MYO3B: variants seen among roughly 807,000 people sequenced by gnomAD.
MYO3B encodes myosin-IIIb.
Under a neutral mutation model 174.6 loss-of-function variants are expected in MYO3B, and 156 were observed. The observed-to-expected ratio is 0.89, with a 90% CI of 0.78 to 1.02. MYO3B has a LOEUF of 1.02. Among genes scored for constraint, MYO3B ranks in the 50% least tolerant of loss-of-function variants. The pLI, the probability that MYO3B is intolerant of heterozygous loss-of-function variation, is 0.00. For synonymous variants in MYO3B, 563 were observed against 569.1 expected (o/e 0.99, Z 0.15); for missense variants, 1,632 against 1,639.4 (o/e 1.00, Z 0.08).
At chr2:170,356,159 C>T (rs2094119020) in intron 8 of MYO3B, among the ~76,000 whole-genome samples, 1 of 151,862 alleles carries the variant, frequency 6.6e-6, no homozygotes, top group Non-Finnish European at 1.5e-5. Flanking sequence ...GACGGGGTTT[C>T]ACCGTGTTGG....
At chr2:170,629,718 C>T (rs745559377) in intron 32 of MYO3B, among the ~76,000 whole-genome samples, 6 of 152,112 alleles carry the variant, frequency 3.9e-5, no homozygotes, top group Non-Finnish European at 7.3e-5. Context: ...GGCATGGTGG[C>T]ACATGCCTAT....
rs1559201779 is a variant in MYO3B, at chr2:170,649,231, A to AATAAT, written c.3734-2393_3734-2389dup. On this transcript the variant is annotated intron_variant, in intron 32 of 34. Coordinates refer to ENST00000408978, the MANE Select transcript of MYO3B (RefSeq NM_138995.5). ...ATAATATATAATATATTATATATAA[A>AATAAT]ATAATATATATTATATATAAAATAA... 7.2e-5 allele frequency among the ~76,000 whole-genome samples: 5 copies of AATAAT among 69,338 alleles called. 2 individuals carry two copies. Among genetic ancestry groups the AATAAT allele is most frequent in the African/African-American group, 3.7e-4 (5 of 13,578 alleles). 45.5% of individuals were successfully genotyped at this position (69,338 alleles called of 152,430 possible).
rs2094242217 is a variant in MYO3B at position 170,371,217 on chromosome 2, A to AAT, written c.971+1841_971+1842insTA. On this transcript the variant is annotated intron_variant, in intron 9 of 34. Coordinates refer to ENST00000408978, the MANE Select transcript of MYO3B (RefSeq NM_138995.5). ...TGGGCGACAGAGCAAGACAGTGTCTAAAAAAAAAAAAAAAAAAAAAAAACC... is the reference window on the plus strand; with the variant it reads ...TGGGCGACAGAGCAAGACAGTGTCTAATAAAAAAAAAAAAAAAAAAAAAAACC... Among the ~76,000 whole-genome samples, 2 of 13,024 alleles carry AAT rather than the reference A, an allele frequency of 1.5e-4. 1 individual carries two copies. The highest frequency in any genetic ancestry group is 1.6e-3 in the Admixed American group (2 of 1,248). The allele number at this position is 13,024 out of a possible 152,430, so 8.5% of individuals were successfully genotyped here. A position where few individuals can be genotyped will look rare whatever the true frequency, so the allele number is the denominator to read the frequency against.
At chr2:170,650,747 G>C (rs112460853) in intron 32 of MYO3B, among the ~76,000 whole-genome samples, 1 of 131,018 alleles carries the variant, frequency 7.6e-6, no homozygotes, top group South Asian at 2.4e-4. Context: ...GCAGTGGCAC[G>C]ATCTTGGCTC....
chr2:170,427,111 T>G (rs2094669717), intron 22 of MYO3B, among the ~76,000 whole-genome samples: 1 of 152,166 alleles, frequency 6.6e-6, no homozygotes, highest in Non-Finnish European at 1.5e-5. Flanking sequence ...AGATTAATAC[T>G]AATATAAGAT....
chr2:170,497,068 G>A (rs1440007014), intron 25 of MYO3B, among the ~76,000 whole-genome samples: 3 of 152,112 alleles, frequency 2.0e-5, no homozygotes, highest in Admixed American at 6.5e-5. Context: ...AAATAGCAGA[G>A]GTAGGAAGGT....
At position 170,474,353 on chromosome 2, in the gene MYO3B, G is replaced by A. The variant is rs114598027; in HGVS notation, c.3014+7642G>A. Among the ~76,000 whole-genome samples the A allele has an allele frequency of 6.3e-3, 951 of 152,102 alleles. 5 individuals are homozygous for A. The highest frequency in any genetic ancestry group is 0.021 in the African/African-American group (891 of 41,492). On this transcript the variant is annotated intron_variant, in intron 25 of 34. Coordinates refer to ENST00000408978, the MANE Select transcript of MYO3B (RefSeq NM_138995.5). ...CCAGGGGTATGATTGGCAGGGTCTT[G>A]GGTCAACTGCCAGGGATGGAGTCAA...
chr2:170,314,128 T>C (rs2093758319), intron 7 of MYO3B, among the ~76,000 whole-genome samples: 1 of 152,106 alleles, frequency 6.6e-6, no homozygotes, highest in Admixed American at 6.5e-5. Flanking sequence ...GCGCACATCT[T>C]TTATTATGTT....
chr2:170,498,479 C>A (rs1687020441), intron 25 of MYO3B, 113 bp from the exon 26 acceptor site: 3 of 696,942 alleles, frequency 4.3e-6, no homozygotes, highest in African/African-American at 3.6e-5. Flanking sequence ...ATTATTGGTG[C>A]TCGACAAATA....
At chr2:170,313,486 G>C (rs913469648) in intron 7 of MYO3B, among the ~76,000 whole-genome samples, 1 of 152,158 alleles carries the variant, frequency 6.6e-6, no homozygotes, top group Non-Finnish European at 1.5e-5. Flanking sequence ...GGCCAGCCTT[G>C]GTCTATGTCT....
At chr2:170,208,088 C>G (rs965238542) in intron 3 of MYO3B, among the ~76,000 whole-genome samples, 2 of 152,188 alleles carry the variant, frequency 1.3e-5, no homozygotes, top group Non-Finnish European at 2.9e-5. Context: ...AAATGGGAAG[C>G]CTGGCTTAAC....
rs367944434 is a variant in MYO3B at position 170,609,455 on chromosome 2, A to G, written c.3734-42173A>G. On this transcript the variant is annotated intron_variant, in intron 32 of 34. Transcript: ENST00000408978. ...ATAACTCAGACCTCTGTTGCTAACAATCCCTATGTGCCCTTCACTGTGTGC... is the reference window on the plus strand; with the variant it reads ...ATAACTCAGACCTCTGTTGCTAACAGTCCCTATGTGCCCTTCACTGTGTGC... 2.9e-4 allele frequency among the ~76,000 whole-genome samples: 44 copies of G among 152,314 alleles called. No homozygotes were observed. In the South Asian group the frequency reaches 9.1e-3, roughly 32 times the overall value.
At chr2:170,424,198 A>G (rs2094642240) in intron 22 of MYO3B, among the ~76,000 whole-genome samples, 1 of 152,226 alleles carries the variant, frequency 6.6e-6, no homozygotes, top group African/African-American at 2.4e-5. Flanking sequence ...TGCTAAGGTA[A>G]TGCTGATCAG....
At chr2:170,182,066 T>G (rs187864964) in intron 1 of MYO3B, among the ~76,000 whole-genome samples, 2 of 152,118 alleles carry the variant, frequency 1.3e-5, no homozygotes, top group African/African-American at 2.4e-5. Context: ...TAGCTCCTGA[T>G]ACAAACCTTC....
chr2:170,203,607 TC>T (rs1437579322), intron 3 of MYO3B, among the ~76,000 whole-genome samples: 1 of 152,026 alleles, frequency 6.6e-6, no homozygotes, highest in Non-Finnish European at 1.5e-5. Flanking sequence ...GAAAGTATAA[TC>T]TAGACCTGAA....
At chr2:170,284,220 G>A (rs1474976039) in intron 7 of MYO3B, among the ~76,000 whole-genome samples, 1 of 152,130 alleles carries the variant, frequency 6.6e-6, no homozygotes, top group Non-Finnish European at 1.5e-5. Context: ...ATGTCCAAAT[G>A]AGCACCCTAT....
At chr2:170,618,906 G>C (rs977742188) in intron 32 of MYO3B, among the ~76,000 whole-genome samples, 1 of 152,136 alleles carries the variant, frequency 6.6e-6, no homozygotes, top group East Asian at 1.9e-4. Flanking sequence ...TAGTGTGTGC[G>C]TCAGTAATTT....
At position 170,420,189 on chromosome 2, in the gene MYO3B, AAAAC is replaced by A. The variant is rs748353185; in HGVS notation, c.2650+12365_2650+12368del. Among the ~76,000 whole-genome samples the A allele has an allele frequency of 1.3e-3, 198 of 152,294 alleles. 1 individual carries two copies. Among genetic ancestry groups the A allele is most frequent in the Middle Eastern group, 3.4e-3 (1 of 294 alleles). On this transcript the variant is annotated intron_variant, in intron 22 of 34. Coordinates refer to ENST00000408978, the MANE Select transcript of MYO3B (RefSeq NM_138995.5). ...GGCTACAAGAGGGAGACAGTCTCAA[AAAAC>A]AAACAAACAAACAAACAAAACAAAA...
intron 7 of MYO3B, among the ~76,000 whole-genome samples, chr2:170,263,819 C>A (rs893456512): frequency 4.0e-5 from 6 of 151,750 alleles, no homozygotes; most frequent in African/African-American, 1.5e-4. Flanking sequence ...TGCAAAGAGG[C>A]CTTCCTCTTT....
Sources: allele counts gnomAD v4.1 joint callset (sites outside exome capture counted in the v4.1 genomes callset), GRCh38; gene constraint gnomAD v4.1.1; transcripts MANE v1.5; gene names NCBI Gene and HGNC (gene_info 2026-07-23, HGNC 2026-07-21).